Variants in PREX1 observed in about 807,000 individuals in gnomAD.
The protein encoded by PREX1 is phosphatidylinositol 3,4,5-trisphosphate-dependent Rac exchanger 1 protein.
PREX1 carries 41 observed loss-of-function variants against 198.3 expected under a neutral mutation model. The observed-to-expected ratio is 0.21, with a 90% confidence interval of 0.16 to 0.27. The LOEUF (loss-of-function observed/expected upper bound fraction) is 0.27, where lower values mean the gene tolerates loss of function less well. PREX1 is among the 10% of genes least tolerant of loss of function. The pLI, the probability that PREX1 is intolerant of heterozygous loss-of-function variation, is 1.00. For synonymous variants in PREX1, 843 were observed against 887.2 expected (o/e 0.95, Z 0.89); for missense variants, 1,620 against 2,200.7 (o/e 0.74, Z 5.28).
At chr20:48,844,526 G>A in the PREX1 span, among the ~76,000 whole-genome samples, 1 of 152,154 alleles carries the variant, frequency 6.6e-6, no homozygotes, top group African/African-American at 2.4e-5. Context: ...AATAAGACTT[G>A]ATGGAAATCT....
At chr20:48,830,892 T>C (rs575518579), upstream of PREX1, among the ~76,000 whole-genome samples, 148 of 152,340 alleles carry the variant, frequency 9.7e-4, no homozygotes, top group Non-Finnish European at 1.9e-3. Flanking sequence ...TCTTTTACAA[T>C]GCGTGGATTG....
At chr20:48,692,818 C>A in intron 7 of PREX1, 28 bp from the exon 8 acceptor site, 1 of 1,565,052 alleles carries the variant, frequency 6.4e-7, no homozygotes, top group Non-Finnish European at 8.8e-7. Flanking sequence ...GTCAGTGTCC[C>A]CTACACGTCA....
At chr20:48,634,408 T>C (rs931787533) in intron 33 of PREX1, among the ~76,000 whole-genome samples, 2 of 152,242 alleles carry the variant, frequency 1.3e-5, no homozygotes, top group African/African-American at 4.8e-5. Flanking sequence ...AATAATTTTA[T>C]TAAGAATTGG....
chr20:48,678,141 C>G (rs1487280796), intron 13 of PREX1, among the ~76,000 whole-genome samples: 1 of 152,084 alleles, frequency 6.6e-6, no homozygotes, highest in East Asian at 1.9e-4. Flanking sequence ...TGGTGAAACC[C>G]CACTTCTACT....
At chr20:48,682,941 G>A (rs2089761488) in intron 10 of PREX1, among the ~76,000 whole-genome samples, 1 of 152,224 alleles carries the variant, frequency 6.6e-6, no homozygotes, top group Non-Finnish European at 1.5e-5. Flanking sequence ...CCTAGTGTTT[G>A]GCAGAGCAAA....
At chr20:48,681,406 G>T in intron 10 of PREX1, 71 bp from the exon 11 acceptor site, 2 of 1,460,852 alleles carry the variant, frequency 1.4e-6, no homozygotes, top group Non-Finnish European at 9.6e-7. Flanking sequence ...GCACTAAGCT[G>T]GCCTGGCCAC....
intron 10 of PREX1, 46 bp from the exon 11 acceptor site, chr20:48,681,381 G>T: frequency 6.3e-7 from 1 of 1,584,708 alleles, no homozygotes; most frequent in Non-Finnish European, 8.7e-7. Context: ...CCCAATTCTG[G>T]GACCACAGGA....
intron 7 of PREX1, 27 bp from the exon 8 acceptor site, chr20:48,692,817 C>T (rs945925769): frequency 6.4e-7 from 1 of 1,562,132 alleles, no homozygotes; most frequent in Non-Finnish European, 8.8e-7. Context: ...AGTCAGTGTC[C>T]CCTACACGTC....
intron 8 of PREX1, 99 bp downstream of exon 8, chr20:48,692,573 C>T (rs2089824872): frequency 1.0e-6 from 1 of 996,732 alleles, no homozygotes; most frequent in South Asian, 1.5e-5. Flanking sequence ...GATTACATCT[C>T]ATGATAAAAG....
chr20:48,848,733 T>C, the PREX1 span, among the ~76,000 whole-genome samples: 1 of 152,156 alleles, frequency 6.6e-6, no homozygotes, highest in Non-Finnish European at 1.5e-5. Context: ...TATGTATAGA[T>C]ATATAACATT....
upstream of PREX1, among the ~76,000 whole-genome samples, chr20:48,829,791 G>T (rs2090532460): frequency 6.6e-6 from 1 of 152,132 alleles, no homozygotes; most frequent in African/African-American, 2.4e-5. Context: ...ATGGAATGAA[G>T]CGGGCTTGCA....
chr20:48,820,094 G>C (rs1039606350), intron 1 of PREX1, among the ~76,000 whole-genome samples: 11 of 152,210 alleles, frequency 7.2e-5, no homozygotes, highest in Admixed American at 7.2e-4. Context: ...GTTCCATCCT[G>C]GGGAAGGAAT....
intron 10 of PREX1, among the ~76,000 whole-genome samples, chr20:48,687,337 ATCT>A (rs1408406280): frequency 6.6e-6 from 1 of 152,166 alleles, no homozygotes; most frequent in Non-Finnish European, 1.5e-5. Flanking sequence ...TCCTCCCGCC[ATCT>A]TCTTCTCCTT....
At chr20:48,726,961 C>T (rs1477103888) in intron 4 of PREX1, among the ~76,000 whole-genome samples, 5 of 152,182 alleles carry the variant, frequency 3.3e-5, no homozygotes, top group South Asian at 2.1e-4. Context: ...GCAACACGGG[C>T]GAACCCCAAA....
chr20:48,678,171 G>A (rs574089103), intron 13 of PREX1, among the ~76,000 whole-genome samples: 49 of 152,054 alleles, frequency 3.2e-4, no homozygotes, highest in African/African-American at 9.4e-4. Flanking sequence ...AAAATTAGCC[G>A]GGCCTGGTGG....
Position 48,688,765 on chromosome 20 carries a change from A to G in PREX1, c.1226T>C (p.Ile409Thr), listed in dbSNP as rs748021457. The G allele has an allele frequency of 2.5e-6, 4 of 1,614,036 alleles. No individual in the cohort carries two copies. In the South Asian group the frequency reaches 4.4e-5, roughly 18 times the overall value. Reference sequence around the variant, plus strand: ...GTACAGCTTCTCCCCCTTCTCCGCAATCATGACGTAGGCATCACGCTCCAT... The same window carrying G: ...GTACAGCTTCTCCCCCTTCTCCGCAGTCATGACGTAGGCATCACGCTCCAT... ...LGMERDAYVM[I>T]AEKGEKLYHM... Residue 409 changes from isoleucine to threonine, a missense_variant, in exon 10 of 40, where the codon ATT becomes ACT. This residue lies in a region of PREX1 where 488 missense variants were observed against 802.5 expected (regional missense o/e 0.61). Transcript: ENST00000371941.
Position 48,776,515 on chromosome 20 carries a change from G to A in PREX1, c.220-28635C>T, listed in dbSNP as rs116268103. 2.2e-3 allele frequency among the ~76,000 whole-genome samples: 342 copies of A among 152,324 alleles called. 2 individuals carry two copies. The highest frequency in any genetic ancestry group is 7.8e-3 in the African/African-American group (325 of 41,564). On this transcript the variant is annotated intron_variant, in intron 1 of 39. Transcript: ENST00000371941. ...GCATCACTTCAGAGGGGGAGTCCAC[G>A]GGGCGGGGCTGGGGACAGAGTTTCT...
intron 33 of PREX1, among the ~76,000 whole-genome samples, chr20:48,633,951 T>C (rs930592998): frequency 1.3e-5 from 2 of 152,152 alleles, no homozygotes; most frequent in East Asian, 1.9e-4. Context: ...ATTATGGACA[T>C]GTAAATAGAT....
At chr20:48,634,409 T>C (rs1307244800) in intron 33 of PREX1, among the ~76,000 whole-genome samples, 1 of 152,228 alleles carries the variant, frequency 6.6e-6, no homozygotes, top group African/African-American at 2.4e-5. Context: ...ATAATTTTAT[T>C]AAGAATTGGG....
Sources: gnomAD v4.1 joint callset for allele counts (sites outside exome capture counted in the v4.1 genomes callset) on GRCh38, gnomAD v4.1.1 for gene constraint, gnomAD v4.1.1 regional missense constraint, MANE v1.5 for transcripts, NCBI Gene and HGNC (gene_info 2026-07-23, HGNC 2026-07-21) for gene names.